Variants in FLT4 observed in about 807,000 individuals in gnomAD.
The protein encoded by FLT4 is fms related receptor tyrosine kinase 4.
Under a neutral mutation model 163.2 loss-of-function variants are expected in FLT4, and 30 were observed. The observed-to-expected ratio is 0.18, with a 90% CI of 0.14 to 0.25. The LOEUF is 0.25. Among genes scored for constraint, FLT4 ranks in the 10% least tolerant of loss-of-function variants. The pLI is 1.00. For missense variants in FLT4, 1,510 were observed against 1,863.8 expected (o/e 0.81, Z 3.50); for synonymous variants, 884 against 789.5 (o/e 1.12, Z -2.01).
chr5:180,603,487 G>A (rs538492113), intron 29 of FLT4, 97 bp from the exon 30 acceptor site: 15 of 1,128,596 alleles, frequency 1.3e-5, no homozygotes, highest in Admixed American at 5.9e-5. Flanking sequence ...CTAGGCAGGC[G>A]GATGGCTTCA....
Position 180,602,795 on chromosome 5 carries a change from C to G in FLT4, c.*397G>C. 1.9e-6 allele frequency: 1 copy of G among 538,974 alleles called. No homozygotes were observed. Among genetic ancestry groups the G allele is most frequent in the Middle Eastern group, 4.8e-4 (1 of 2,098 alleles). The allele number at this position is 538,974 out of a possible 1,614,324, so 33.4% of individuals were successfully genotyped here. On this transcript the variant is annotated 3_prime_UTR_variant, in exon 30 of 30. Coordinates refer to ENST00000261937, the MANE Select transcript of FLT4 (RefSeq NM_182925.5). Reference sequence around the variant, plus strand: ...CCTCTGCTCTCGTATGCCTTAACCTCCAACACTGTGTGACTCCCAGACCCA... The same window carrying G: ...CCTCTGCTCTCGTATGCCTTAACCTGCAACACTGTGTGACTCCCAGACCCA...
intron 27 of FLT4, among the ~76,000 whole-genome samples, chr5:180,610,329 A>G (rs1303585389): frequency 1.3e-5 from 2 of 152,188 alleles, no homozygotes; most frequent in African/African-American, 2.4e-5. Flanking sequence ...GGGATGGGCT[A>G]CCCTGGGCCA....
At position 180,619,290 on chromosome 5, in the gene FLT4, G is replaced by A. The variant is rs1159906189; in HGVS notation, c.2724C>T (p.Asn908=). ...TGCACGCCCCGAGGAGGTTGACCAC[G>A]TTGAGGTGGTTGCCGATGTGAATGA... The part of the protein sequence containing the change: ...KILIHIGNHL[N]VVNLLGACTK... The change falls in exon 19 of 30, where the codon AAC becomes AAT. Residue 908 remains asparagine, a synonymous_variant. Transcript: ENST00000261937. The A allele has an allele frequency of 3.1e-6, 5 of 1,610,854 alleles. No homozygotes were observed. The highest frequency in any genetic ancestry group is 1.3e-5 in the African/African-American group (1 of 74,880).
intron 1 of FLT4, among the ~76,000 whole-genome samples, 184 bp downstream of exon 1, chr5:180,649,304 G>GGGT (rs1470752887): frequency 1.4e-4 from 22 of 151,758 alleles, no homozygotes; most frequent in Admixed American, 1.2e-3. Flanking sequence ...GTCCCCGCCC[G>GGGT]CCCCTTCCTC....
chr5:180,641,237 C>T (rs763535476), intron 1 of FLT4, among the ~76,000 whole-genome samples: 1 of 152,158 alleles, frequency 6.6e-6, no homozygotes, highest in Non-Finnish European at 1.5e-5. Flanking sequence ...GTGGAGGGTC[C>T]GAGTCATCAA....
In FLT4 at chr5:180,623,127, A is replaced by G. The variant is rs1208145825; in HGVS notation, c.1549-288T>C. Among the ~76,000 whole-genome samples, 1 of 152,170 alleles carries G rather than the reference A, an allele frequency of 6.6e-6. No individual in the cohort carries two copies. Among genetic ancestry groups the G allele is most frequent in the African/African-American group, 2.4e-5 (1 of 41,426 alleles). Reference sequence around the variant, plus strand: ...AGGGCAGCCTTTGGCAGGACCAGAGAGACCTCTGGCCGTGGCTATGTTGAG... The same window carrying G: ...AGGGCAGCCTTTGGCAGGACCAGAGGGACCTCTGGCCGTGGCTATGTTGAG... On this transcript the variant is annotated intron_variant, in intron 11 of 29. Transcript: ENST00000261937. The surrounding 1 kb of genome is among the most constrained non-coding windows in gnomAD (Gnocchi z 5.8).
At chr5:180,629,108 G>T (rs1464166180) in intron 7 of FLT4, 109 bp from the exon 8 acceptor site, 3 of 1,440,238 alleles carry the variant, frequency 2.1e-6, no homozygotes, top group Non-Finnish European at 2.9e-6. Flanking sequence ...CCGCAGACTG[G>T]GGCTGGCCAT....
At chr5:180,640,363 C>T (rs935480132) in intron 1 of FLT4, among the ~76,000 whole-genome samples, 1 of 152,214 alleles carries the variant, frequency 6.6e-6, no homozygotes, top group Non-Finnish European at 1.5e-5. Flanking sequence ...GAGTCCAGGT[C>T]GGTCCCTGCC....
At chr5:180,605,842 C>A (rs1167476880) in intron 29 of FLT4, among the ~76,000 whole-genome samples, 5 of 152,170 alleles carry the variant, frequency 3.3e-5, no homozygotes, top group Non-Finnish European at 7.4e-5. Context: ...GGTGAAAAGC[C>A]ACATCTATAG....
intron 25 of FLT4, 24 bp downstream of exon 25, chr5:180,612,987 C>G: frequency 1.3e-6 from 2 of 1,588,208 alleles, no homozygotes; most frequent in Non-Finnish European, 1.7e-6. Context: ...TCCCCAAAAC[C>G]TGCAGGGCCA....
intron 8 of FLT4, 104 bp from the exon 9 acceptor site, chr5:180,626,369 C>T (rs1236688551): frequency 1.1e-5 from 14 of 1,295,062 alleles, no homozygotes; most frequent in East Asian, 4.6e-5. Flanking sequence ...GAGGGGCTGG[C>T]AGGAGTGCAG....
chr5:180,645,131 G>A (rs1765422827), intron 1 of FLT4, among the ~76,000 whole-genome samples: 1 of 152,228 alleles, frequency 6.6e-6, no homozygotes, highest in African/African-American at 2.4e-5. Context: ...TTGTGGGTGA[G>A]TTGGGGGGGG....
rs780462366 is a variant in FLT4, at chr5:180,616,984, C to T, written c.3012G>A (p.Leu1004=). The change falls in exon 22 of 30, where the codon CTG becomes CTA. Residue 1004 remains leucine (L), a synonymous_variant. Transcript: ENST00000261937. The stretch of plus-strand genomic sequence containing the variant: ...CTTCCATGGTCAGCGGGCTCAGCCA[C>T]AGGTCCTCAGCTACACAGTGGAGCC... ...RASPDQEAED[L]WLSPLTMEDL... is the part of the protein sequence containing the mutation. 4 of 1,612,956 alleles carry T rather than the reference C, an allele frequency of 2.5e-6. No homozygotes were observed. Among genetic ancestry groups the T allele is most frequent in the Non-Finnish European group, 3.4e-6 (4 of 1,179,866 alleles).
chr5:180,615,151 G>A (rs1351558986), intron 23 of FLT4, among the ~76,000 whole-genome samples: 5 of 148,166 alleles, frequency 3.4e-5, no homozygotes, highest in African/African-American at 1.3e-4. Flanking sequence ...CTGCGGCCCC[G>A]CTGGTCACCT....
At chr5:180,617,196 C>T in intron 21 of FLT4, among the ~76,000 whole-genome samples, 1 of 65,396 alleles carries the variant, frequency 1.5e-5, no homozygotes, top group African/African-American at 5.7e-5. Context: ...CCTCTCCTGC[C>T]CCTCAGCCTC....
rs1185817676 is a variant in FLT4 at position 180,615,344 on chromosome 5, G to A, written c.3219+1023C>T. ...ACTTCCTTTCGGAGCACTGGGCCCCGCTGGTCACCTCCCTTCTCCACTTCC... is the reference window on the plus strand; with the variant it reads ...ACTTCCTTTCGGAGCACTGGGCCCCACTGGTCACCTCCCTTCTCCACTTCC... On this transcript the variant is annotated intron_variant, in intron 23 of 29. Coordinates refer to ENST00000261937, the MANE Select transcript of FLT4 (RefSeq NM_182925.5). Among the ~76,000 whole-genome samples, 4 of 146,504 alleles carry A rather than the reference G, an allele frequency of 2.7e-5. 1 individual carries two copies. Among genetic ancestry groups the A allele is most frequent in the East Asian group, 2.1e-4 (1 of 4,802 alleles).
At chr5:180,626,636 C>T (rs528840973) in intron 8 of FLT4, among the ~76,000 whole-genome samples, 10 of 152,322 alleles carry the variant, frequency 6.6e-5, no homozygotes. Context: ...GCCAGGCTTG[C>T]CCAGCCCAGC....
At chr5:180,604,111 A>G (rs1051029028) in intron 29 of FLT4, among the ~76,000 whole-genome samples, 2 of 152,152 alleles carry the variant, frequency 1.3e-5, no homozygotes, top group Non-Finnish European at 2.9e-5. Context: ...TTCAGAAAAC[A>G]CACACAGACT....
intron 24 of FLT4, 200 bp downstream of exon 24, chr5:180,613,868 G>A (rs773305158): frequency 1.7e-5 from 11 of 647,784 alleles, no homozygotes; most frequent in African/African-American, 3.6e-5. Context: ...GGTGGCCCAC[G>A]TTGGAGGCAA....
Sources: allele counts gnomAD v4.1 joint callset (sites outside exome capture counted in the v4.1 genomes callset), GRCh38; gene constraint gnomAD v4.1.1; non-coding constraint Gnocchi (gnomAD v3.1); transcripts MANE v1.5; gene names NCBI Gene and HGNC (gene_info 2026-07-23, HGNC 2026-07-21).